The following CCDC171 variants were observed in gnomAD, a reference collection of about 807,000 sequenced individuals.
CCDC171 encodes coiled-coil domain-containing protein 171.
CCDC171 carries 177 observed loss-of-function variants against 168.2 expected under a neutral mutation model. That is an observed-to-expected ratio of 1.05 (90% CI 0.93 to 1.19). CCDC171 has a LOEUF of 1.19. Ranked by LOEUF, CCDC171 falls within the 50% of genes most tolerant of loss-of-function variation. The probability of loss-of-function intolerance (pLI) is 0.00; values close to 1 mark genes in which losing one functional copy is unlikely to be tolerated. For synonymous variants in CCDC171, 687 were observed against 540.8 expected (o/e 1.27, Z -3.75); for missense variants, 1,991 against 1,539.0 (o/e 1.29, Z -4.91).
chr9:15,823,549 AACATGTTAAGAT>A (rs1350328190), intron 21 of CCDC171, among the ~76,000 whole-genome samples: 3 of 152,134 alleles, frequency 2.0e-5, no homozygotes, highest in African/African-American at 7.2e-5. Context: ...TAACAGTCAC[AACATGTTAAGAT>A]ACATAATATT....
chr9:15,624,990 T>A (rs899917346), intron 7 of CCDC171, among the ~76,000 whole-genome samples: 1 of 152,216 alleles, frequency 6.6e-6, no homozygotes, highest in Non-Finnish European at 1.5e-5. Flanking sequence ...TTTCTTGACT[T>A]TTTAATGATT....
chr9:15,707,302 G>A (rs1385637201), intron 11 of CCDC171, among the ~76,000 whole-genome samples: 1 of 152,156 alleles, frequency 6.6e-6, no homozygotes, highest in African/African-American at 2.4e-5. Context: ...ATTAATATAT[G>A]CCAATGTACA....
At chr9:15,903,518 C>A (rs201017914) in intron 24 of CCDC171, among the ~76,000 whole-genome samples, 75 of 152,214 alleles carry the variant, frequency 4.9e-4, no homozygotes, top group African/African-American at 1.8e-3. Flanking sequence ...CACACCAAAA[C>A]CCCATCTGTA....
intron 21 of CCDC171, among the ~76,000 whole-genome samples, chr9:15,787,094 A>T (rs1329128779): frequency 6.6e-6 from 1 of 152,072 alleles, no homozygotes; most frequent in Admixed American, 6.6e-5. Flanking sequence ...TTTTGGATGT[A>T]TATTTTTTCT....
intron 25 of CCDC171, among the ~76,000 whole-genome samples, chr9:15,925,591 G>A (rs149401778): frequency 1.4e-3 from 216 of 151,676 alleles, no homozygotes; most frequent in Middle Eastern, 0.01. Context: ...TGAGGAACCA[G>A]CTAGACATGA....
chr9:15,599,945 A>C (rs573718309), intron 6 of CCDC171, among the ~76,000 whole-genome samples: 29 of 152,278 alleles, frequency 1.9e-4, no homozygotes, highest in African/African-American at 6.7e-4. Flanking sequence ...CGAATCGGCT[A>C]CTGAAGCTTG....
chr9:15,804,622 T>C (rs1390221390), intron 21 of CCDC171, among the ~76,000 whole-genome samples: 2 of 152,168 alleles, frequency 1.3e-5, no homozygotes, highest in African/African-American at 4.8e-5. Context: ...GATGTGCTGC[T>C]GGATTCAGTT....
At chr9:15,659,066 G>A (rs2048134116) in intron 8 of CCDC171, among the ~76,000 whole-genome samples, 3 of 152,200 alleles carry the variant, frequency 2.0e-5, no homozygotes, top group Middle Eastern at 3.2e-3. Context: ...TCTGAAGAGA[G>A]ACAATGGTAA....
intron 25 of CCDC171, among the ~76,000 whole-genome samples, chr9:15,965,452 A>G (rs890562058): frequency 2.6e-5 from 4 of 152,214 alleles, no homozygotes; most frequent in African/African-American, 7.2e-5. Context: ...CAAGATTCAC[A>G]TCCCTTTCTA....
rs532954722 is a variant in CCDC171 at position 15,636,288 on chromosome 9, G to A, written c.822+12875G>A. Among the ~76,000 whole-genome samples, 6 of 152,092 alleles carry A rather than the reference G, an allele frequency of 3.9e-5. No individual in the cohort carries two copies. In the South Asian group the frequency reaches 1.0e-3, roughly 26 times the overall value. ...TTCCTCATACTCTAACCACACATGG[G>A]TTATTTTTTACAAGATTACAGAAGG... On this transcript the variant is annotated intron_variant, in intron 7 of 25. Transcript: ENST00000380701.
chr9:16,015,906 A>T (rs1833001674), intron 3 of CCDC171, among the ~76,000 whole-genome samples: 1 of 152,180 alleles, frequency 6.6e-6, no homozygotes, highest in African/African-American at 2.4e-5. Context: ...ACTTAGCGTA[A>T]TGTTTTCAAG....
chr9:15,945,627 C>T (rs1308599263), intron 25 of CCDC171, among the ~76,000 whole-genome samples: 1 of 142,118 alleles, frequency 7.0e-6, no homozygotes, highest in African/African-American at 2.5e-5. Context: ...GCTCTGATGG[C>T]CAGTGATGGT....
At chr9:15,837,181 C>CTACA (rs2060487584) in intron 21 of CCDC171, among the ~76,000 whole-genome samples, 1 of 152,134 alleles carries the variant, frequency 6.6e-6, no homozygotes, top group Admixed American at 6.5e-5. Context: ...TTTGAACGTT[C>CTACA]TACAATATGT....
chr9:16,074,724 T>A, the CCDC171 span, among the ~76,000 whole-genome samples: 1 of 152,110 alleles, frequency 6.6e-6, no homozygotes. Context: ...ACAACAAATG[T>A]TAGAGTTTGA....
At chr9:16,089,752 A>G in the CCDC171 span, among the ~76,000 whole-genome samples, 1 of 151,984 alleles carries the variant, frequency 6.6e-6, no homozygotes, top group African/African-American at 2.4e-5. Context: ...AAAAAAACCC[A>G]TCAAAAAATG....
intron 3 of CCDC171, among the ~76,000 whole-genome samples, chr9:16,005,911 T>C (rs1323669687): frequency 1.3e-5 from 2 of 152,186 alleles, no homozygotes; most frequent in African/African-American, 4.8e-5. Context: ...TTGTTTTCTT[T>C]TTTTATTTTA....
intron 3 of CCDC171, among the ~76,000 whole-genome samples, chr9:15,988,797 G>C (rs7023326): frequency 2.0e-5 from 3 of 151,984 alleles, no homozygotes; most frequent in Non-Finnish European, 4.4e-5. Context: ...CGCCTGGCTC[G>C]GAGGGTCCCA....
chr9:15,722,956 C>T (rs2053578915), intron 12 of CCDC171, among the ~76,000 whole-genome samples: 1 of 152,066 alleles, frequency 6.6e-6, no homozygotes, highest in Non-Finnish European at 1.5e-5. Flanking sequence ...AACATATTAC[C>T]CACAGCGAAT....
intron 25 of CCDC171, among the ~76,000 whole-genome samples, chr9:15,959,999 A>G (rs138710810): frequency 6.6e-6 from 1 of 152,242 alleles, no homozygotes; most frequent in Non-Finnish European, 1.5e-5. Flanking sequence ...TTGAAGGCAG[A>G]CCCTGTTGGA....
Sources: allele counts gnomAD v4.1 joint callset (sites outside exome capture counted in the v4.1 genomes callset), GRCh38; gene constraint gnomAD v4.1.1; transcripts MANE v1.5; gene names NCBI Gene and HGNC (gene_info 2026-07-23, HGNC 2026-07-21).